NBPF8: variants seen among roughly 807,000 people sequenced by gnomAD.
NBPF8 encodes NBPF family member NBPF8.
In NBPF8 at chr1:120,461,016, CTGTGTGTGTGTG is replaced by C. The variant is rs202089337; in HGVS notation, n.2837-200_2837-189del. On this transcript the variant is annotated intron_variant and non_coding_transcript_variant, in intron 18 of 24. Transcript: ENST00000583271. Reference sequence around the variant, plus strand: ...ACCTGACCAATTCACTGAGCTCGAACTGTGTGTGTGTGTGTGTGTGTGTGTGTGTGTGTGTGT... The same window carrying C: ...ACCTGACCAATTCACTGAGCTCGAACTGTGTGTGTGTGTGTGTGTGTGTGT... Among the ~76,000 whole-genome samples the C allele has an allele frequency of 5.4e-3, 706 of 131,302 alleles. 9 individuals carry two copies. The highest frequency in any genetic ancestry group is 0.013 in the African/African-American group (459 of 35,222). 86.1% of individuals were successfully genotyped at this position (131,302 alleles called of 152,430 possible).
intron 1 of NBPF8, among the ~76,000 whole-genome samples, chr1:120,421,127 C>T (rs1480754145): frequency 2.0e-5 from 3 of 151,728 alleles, no homozygotes; most frequent in Non-Finnish European, 4.4e-5. Context: ...TTTTGGGCAC[C>T]AGAACTTATC....
rs1365473895 is a variant in NBPF8, at chr1:120,420,436, C to G, written n.269+318C>G. On this transcript the variant is annotated intron_variant and non_coding_transcript_variant, in intron 1 of 28. Transcript: ENST00000652355. ...CCTCTTACCCCCCATTCTCTGCCCC[C>G]ATTTCCGTCTCTTGTTTCCACCCTG... Among the ~76,000 whole-genome samples the G allele has an allele frequency of 8.0e-4, 115 of 143,158 alleles. 2 individuals carry two copies. The highest frequency in any genetic ancestry group is 3.5e-3 in the Middle Eastern group (1 of 286). The allele number at this position is 143,158 out of a possible 152,430, so 93.9% of individuals were successfully genotyped here.
upstream of NBPF8, chr1:120,432,427 A>G (rs2101580109): frequency 7.8e-6 from 1 of 127,464 alleles, no homozygotes; most frequent in African/African-American, 3.2e-5. Context: ...GTCGGTACTG[A>G]AACAGTTGTT....
At chr1:120,456,067 A>G (rs1326088931) in intron 16 of NBPF8, among the ~76,000 whole-genome samples, 3 of 151,878 alleles carry the variant, frequency 2.0e-5, no homozygotes, top group African/African-American at 2.4e-5. Flanking sequence ...GTTTCCATGT[A>G]GTTGTGCGGT....
exon 1 of NBPF8, chr1:120,436,538 G>A (rs1553247781): frequency 4.5e-5 from 69 of 1,533,134 alleles, no homozygotes; most frequent in Middle Eastern, 4.6e-4. Context: ...GGTATCAGCC[G>A]GCCCTTGGTC....
chr1:120,420,680 C>G (rs1247106243), intron 1 of NBPF8, among the ~76,000 whole-genome samples: 2 of 145,596 alleles, frequency 1.4e-5, no homozygotes, highest in Non-Finnish European at 3.0e-5. Flanking sequence ...GTTCCCATCT[C>G]CCATTCCAGA....
chr1:120,416,605 CA>C (rs1160932917), upstream of NBPF8, among the ~76,000 whole-genome samples: 641 of 24,234 alleles, frequency 0.026, 14 homozygotes, highest in African/African-American at 0.12. Context: ...ACCCTGTCTC[CA>C]AAAAAAAAAA....
rs1660785904 is a variant in NBPF8 at position 120,428,574 on chromosome 1, G to T, written n.510+727G>T. On this transcript the variant is annotated intron_variant and non_coding_transcript_variant, in intron 3 of 28. Transcript: ENST00000652355. ...TAATTCAGGCAGGTTTATTGAAAAG[G>T]TGAAGAAGCATCTTGCAGAAGCAAA... Among the ~76,000 whole-genome samples, 4 of 152,262 alleles carry T rather than the reference G, an allele frequency of 2.6e-5. No homozygotes were observed. In the South Asian group the frequency reaches 8.3e-4, roughly 32 times the overall value.
At chr1:120,424,510 C>A (rs1253114073) in intron 1 of NBPF8, among the ~76,000 whole-genome samples, 3 of 152,080 alleles carry the variant, frequency 2.0e-5, no homozygotes, top group African/African-American at 7.2e-5. Context: ...TGCAACGGCG[C>A]CATCTCAGCT....
At chr1:120,467,959 TGTGC>T (rs1171083416), downstream of NBPF8, among the ~76,000 whole-genome samples, 147 of 151,666 alleles carry the variant, frequency 9.7e-4, no homozygotes, top group African/African-American at 2.6e-3. Context: ...AGAGTGTGTG[TGTGC>T]GTGTGTGTGT....
downstream of NBPF8, among the ~76,000 whole-genome samples, chr1:120,468,837 C>T (rs1236106730): frequency 4.0e-5 from 6 of 151,406 alleles, no homozygotes; most frequent in African/African-American, 7.3e-5. Flanking sequence ...GCTGTCCTGG[C>T]CTCTATTTGC....
chr1:120,420,883 G>A (rs1470095508), intron 1 of NBPF8, among the ~76,000 whole-genome samples: 1 of 147,722 alleles, frequency 6.8e-6, no homozygotes, highest in South Asian at 2.1e-4. Flanking sequence ...GGCATTGAGA[G>A]GGGGAGAAAG....
upstream of NBPF8, among the ~76,000 whole-genome samples, chr1:120,435,887 CAA>C (rs1402335575): frequency 2.7e-5 from 4 of 150,000 alleles, no homozygotes; most frequent in South Asian, 2.1e-4. Context: ...AAAGTCAAAA[CAA>C]GAGAACATAC....
chr1:120,443,288 T>G (rs1661142315), intron 6 of NBPF8, among the ~76,000 whole-genome samples: 1 of 2,342 alleles, frequency 4.3e-4, no homozygotes, highest in Non-Finnish European at 1.2e-3. Context: ...CAGTTATTGA[T>G]TTCTAACACA....
chr1:120,460,800 C>T (rs1250363585), intron 18 of NBPF8, among the ~76,000 whole-genome samples, 176 bp downstream of exon 16: 8 of 152,042 alleles, frequency 5.3e-5, no homozygotes, highest in African/African-American at 1.7e-4. Flanking sequence ...TCCATTTCTT[C>T]CTACCCTTAT....
chr1:120,428,296 A>G (rs1328145307), intron 3 of NBPF8, among the ~76,000 whole-genome samples: 1 of 148,700 alleles, frequency 6.7e-6, no homozygotes, highest in Non-Finnish European at 1.5e-5. Context: ...CACAGTAGAC[A>G]AAGGTTTTTC....
Position 120,423,373 on chromosome 1 carries a change from G to C in NBPF8, n.270-2374G>C, listed in dbSNP as rs1482414089. ...TGTTCTAGCACCACTAGTTGGAAAG[G>C]CTATCTTTGCTGCTTTAAATTGTCT... On this transcript the variant is annotated intron_variant and non_coding_transcript_variant, in intron 1 of 28. Transcript: ENST00000652355. 1.9e-5 allele frequency among the ~76,000 whole-genome samples: 2 copies of C among 107,614 alleles called. 1 individual carries two copies. The highest frequency in any genetic ancestry group is 3.8e-5 in the Non-Finnish European group (2 of 53,144). The allele number at this position is 107,614 out of a possible 152,430, so 70.6% of individuals were successfully genotyped here.
exon 1 of NBPF8, chr1:120,436,589 A>G: frequency 6.2e-7 from 1 of 1,604,148 alleles, no homozygotes; most frequent in East Asian, 2.2e-5. Context: ...AATCAACGAG[A>G]AATTGCGCCC....
chr1:120,418,337 A>G (rs1327461707), upstream of NBPF8, among the ~76,000 whole-genome samples: 16 of 68,908 alleles, frequency 2.3e-4, no homozygotes, highest in African/African-American at 1.2e-3. Context: ...TCACAGAGCT[A>G]CAGTTTTGAC....
Sources: gnomAD v4.1 joint callset for allele counts (sites outside exome capture counted in the v4.1 genomes callset) on GRCh38, gnomAD v4.1.1 for gene constraint, MANE v1.5 for transcripts, NCBI Gene and HGNC (gene_info 2026-07-23, HGNC 2026-07-21) for gene names.